The following PCDHGC5 variants were observed in gnomAD, a reference collection of about 807,000 sequenced individuals.
The protein encoded by PCDHGC5 is protocadherin gamma-C5.
PCDHGC5 carries 25 observed loss-of-function variants against 59.0 expected under a neutral mutation model. That is an observed-to-expected ratio of 0.42 (90% CI 0.31 to 0.59). The LOEUF is 0.59. Among genes scored for constraint, PCDHGC5 ranks in the 20% least tolerant of loss-of-function variants. The pLI is 0.13. For synonymous variants in PCDHGC5, 434 were observed against 505.5 expected, an observed-to-expected ratio of 0.86 and a Z score of 1.90; for missense variants, 1,067 against 1,206.4, an observed-to-expected ratio of 0.88 and a Z score of 1.71.
Position 141,489,147 on chromosome 5 carries a change from A to G in PCDHGC5, c.-94A>G. On this transcript the variant is annotated 5_prime_UTR_variant, in exon 1 of 4. Coordinates refer to ENST00000252087, the MANE Select transcript of PCDHGC5 (RefSeq NM_018929.3). The surrounding 1 kb of genome is among the most constrained non-coding windows in gnomAD (Gnocchi z 4.5). ...GCAGTTTTTAAGAGGCTGGAAGGAG[A>G]CATAAGAGACTTCAGCTGCTGCATT... The G allele has an allele frequency of 1.2e-6, 1 of 802,676 alleles. No homozygotes were observed. Among genetic ancestry groups the G allele is most frequent in the Non-Finnish European group, 1.9e-6 (1 of 528,868 alleles). 49.7% of individuals were successfully genotyped at this position (802,676 alleles called of 1,614,324 possible). A position where few individuals can be genotyped will look rare whatever the true frequency, so the allele number is the denominator to read the frequency against.
rs919375073 is a variant in PCDHGC5 at position 141,490,642 on chromosome 5, C to A, written c.1402C>A (p.Pro468Thr). Residue 468 changes from proline (P) to threonine (T), a missense_variant, in exon 1 of 4, where the codon CCT becomes ACT. Coordinates refer to ENST00000252087, the MANE Select transcript of PCDHGC5 (RefSeq NM_018929.3). This position sits in a 1 kb window ranked among gnomAD's most constrained non-coding sequence, Gnocchi z 5.4. ...CACTGCTTACATCCTAGAAAACCGG[C>A]CTCCGGGCTCCCTTCTTTGCACTGT... Reference protein sequence around the residue: ...LYTAYILENRPPGSLLCTVAA... With the variant: ...LYTAYILENRTPGSLLCTVAA... 4.3e-6 allele frequency: 7 copies of A among 1,614,102 alleles called. No individual in the cohort carries two copies. In the African/African-American group the frequency reaches 6.7e-5, roughly 15 times the overall value.
At chr5:141,501,328 CA>C (rs1446948770) in intron 2 of PCDHGC5, among the ~76,000 whole-genome samples, 83 of 151,828 alleles carry the variant, frequency 5.5e-4, no homozygotes, top group Admixed American at 2.2e-3. Context: ...CACACACACA[CA>C]CACACCCCAA....
intron 2 of PCDHGC5, among the ~76,000 whole-genome samples, chr5:141,505,172 A>C (rs1336105711): frequency 6.6e-6 from 1 of 152,178 alleles, no homozygotes; most frequent in Non-Finnish European, 1.5e-5. Context: ...AAACAAAAAG[A>C]AAAAAGCATC....
At chr5:141,501,147 G>A (rs1166199034) in intron 2 of PCDHGC5, among the ~76,000 whole-genome samples, 1 of 152,142 alleles carries the variant, frequency 6.6e-6, no homozygotes, top group Non-Finnish European at 1.5e-5. Context: ...GATTACAGGT[G>A]GGAGCCACCA....
At chr5:141,510,910 A>T (rs780792326) in intron 3 of PCDHGC5, 37 bp from the exon 4 acceptor site, 1 of 1,613,740 alleles carries the variant, frequency 6.2e-7, no homozygotes, top group East Asian at 2.2e-5. Flanking sequence ...GAGGACCCTA[A>T]GTTTAGCTCC....
chr5:141,504,496 G>C (rs2099838771), intron 2 of PCDHGC5, among the ~76,000 whole-genome samples: 1 of 152,100 alleles, frequency 6.6e-6, no homozygotes, highest in Non-Finnish European at 1.5e-5. Flanking sequence ...CACCTGCCCA[G>C]TCTGAGTGGA....
chr5:141,490,088 ACCACAC>A lies in PCDHGC5; in HGVS notation c.849_854del (p.Asp283_Thr285delinsGlu). On this transcript the variant is annotated inframe_deletion, in exon 1 of 4. Transcript: ENST00000252087. The surrounding 1 kb of genome is among the most constrained non-coding windows in gnomAD (Gnocchi z 5.4). The stretch of plus-strand genomic sequence containing the variant: ...GGCCAACTAGACTATTCTTTTGGAG[ACCACAC>A]ATCTGAGGCAGTGCGGAACCTCTTT... The A allele has an allele frequency of 6.2e-7, 1 of 1,614,190 alleles. No homozygotes were observed. Among genetic ancestry groups the A allele is most frequent in the Non-Finnish European group, 8.5e-7 (1 of 1,180,004 alleles).
intron 3 of PCDHGC5, 162 bp downstream of exon 3, chr5:141,505,643 T>C: frequency 1.0e-6 from 1 of 967,852 alleles, no homozygotes. Context: ...AAGCCTGGAA[T>C]TGTGGCTAAG....
In PCDHGC5 at chr5:141,512,494, C is replaced by T. The variant is rs2099884262; in HGVS notation, c.*1321C>T. The T allele has an allele frequency of 6.5e-6, 1 of 152,894 alleles. No individual in the cohort carries two copies. Among genetic ancestry groups the T allele is most frequent in the Admixed American group, 6.5e-5 (1 of 15,282 alleles). The allele number at this position is 152,894 out of a possible 1,614,324, so 9.5% of individuals were successfully genotyped here. Reference sequence around the variant, plus strand: ...CTTCCGTGAAGGCCACTGCCCAGGTCCCCAGTGCGCCCCCTAGTGGCCATA... The same window carrying T: ...CTTCCGTGAAGGCCACTGCCCAGGTTCCCAGTGCGCCCCCTAGTGGCCATA... On this transcript the variant is annotated 3_prime_UTR_variant, in exon 4 of 4. Transcript: ENST00000252087.
At position 141,491,289 on chromosome 5, in the gene PCDHGC5, C is replaced by T. The variant is rs2099710219; in HGVS notation, c.2049C>T (p.His683=). ...EMPKSSDFLI[H]PPERSDLTLY... is the part of the protein sequence containing the mutation. ...CCAAATCCAGTGACTTCCTCATACA[C>T]CCTCCTGAGCGTTCAGACCTTACCC... The change falls in exon 1 of 4, where the codon CAC becomes CAT. Residue 683 remains histidine (H), a synonymous_variant. Transcript: ENST00000252087. The surrounding 1 kb of genome is among the most constrained non-coding windows in gnomAD (Gnocchi z 6.9). 2 of 1,614,112 alleles carry T rather than the reference C, an allele frequency of 1.2e-6. No homozygotes were observed. The highest frequency in any genetic ancestry group is 1.7e-6 in the Non-Finnish European group (2 of 1,179,942).
intron 3 of PCDHGC5, chr5:141,508,128 T>C (rs1490298338): frequency 6.6e-6 from 1 of 151,706 alleles, no homozygotes; most frequent in African/African-American, 2.4e-5. Context: ...CAGAGGGAGG[T>C]CAGGGAGCTG....
rs749528675 is a variant in PCDHGC5, at chr5:141,490,604, A to G, written c.1364A>G (p.Asn455Ser). Residue 455 changes from asparagine to serine, a missense_variant, in exon 1 of 4, where the codon AAC (asparagine) becomes AGC (serine). Coordinates refer to ENST00000252087, the MANE Select transcript of PCDHGC5 (RefSeq NM_018929.3). This position sits in a 1 kb window ranked among gnomAD's most constrained non-coding sequence, Gnocchi z 5.4. ...SDVNDNAPRF[N>S]QQLYTAYILE... ...GTCAATGACAATGCACCCCGCTTCA[A>G]CCAGCAGCTTTACACTGCTTACATC... is the stretch of plus-strand genomic sequence containing the variant. 13 of 1,614,192 alleles carry G rather than the reference A, an allele frequency of 8.1e-6. No homozygotes were observed. Among genetic ancestry groups the G allele is most frequent in the Non-Finnish European group, 1.1e-5 (13 of 1,180,022 alleles).
At chr5:141,510,040 G>A (rs2099879305) in intron 3 of PCDHGC5, among the ~76,000 whole-genome samples, 1 of 152,220 alleles carries the variant, frequency 6.6e-6, no homozygotes, top group Non-Finnish European at 1.5e-5. Flanking sequence ...GTTATGTAGA[G>A]GTTAAAAGTG....
At position 141,511,399 on chromosome 5, in the gene PCDHGC5, A is replaced by C; in HGVS notation, c.*226A>C. 1.0e-6 allele frequency: 1 copy of C among 987,714 alleles called. No homozygotes were observed. The highest frequency in any genetic ancestry group is 1.4e-6 in the Non-Finnish European group (1 of 693,342). The allele number at this position is 987,714 out of a possible 1,614,324, so 61.2% of individuals were successfully genotyped here. ...CAGTTCCGCTGGGAACCCCCATCCA[A>C]TCAACTGCTGTACCCATGGGGGTAG... On this transcript the variant is annotated 3_prime_UTR_variant, in exon 4 of 4. Transcript: ENST00000252087.
At chr5:141,508,823 G>A (rs1445894402) in intron 3 of PCDHGC5, among the ~76,000 whole-genome samples, 1 of 151,966 alleles carries the variant, frequency 6.6e-6, no homozygotes, top group Admixed American at 6.6e-5. Flanking sequence ...GCCAGATCTG[G>A]GCCCCCCTCC....
In PCDHGC5 at chr5:141,511,979, T is replaced by C. The variant is rs1205375941; in HGVS notation, c.*806T>C. ...AGGAAGGGAAGTGTGTGGATGTGGA[T>C]GGTGGGGGCATGGACAAAGCTTGAC... On this transcript the variant is annotated 3_prime_UTR_variant, in exon 4 of 4. Transcript: ENST00000252087. The C allele has an allele frequency of 6.5e-5, 10 of 153,278 alleles. No individual in the cohort carries two copies. The highest frequency in any genetic ancestry group is 1.5e-4 in the Non-Finnish European group (10 of 68,568). The allele number at this position is 153,278 out of a possible 1,614,324, so 9.5% of individuals were successfully genotyped here.
intron 2 of PCDHGC5, among the ~76,000 whole-genome samples, chr5:141,501,528 A>G (rs1173385747): frequency 6.6e-6 from 1 of 151,978 alleles, no homozygotes; most frequent in Non-Finnish European, 1.5e-5. Context: ...GAAGCCCAGT[A>G]CGTTGTTGTG....
intron 3 of PCDHGC5, 46 bp from the exon 4 acceptor site, chr5:141,510,901 A>G: frequency 1.9e-6 from 3 of 1,613,412 alleles, no homozygotes; most frequent in African/African-American, 2.7e-5. Flanking sequence ...GTGACTGTTG[A>G]GGACCCTAAG....
intron 1 of PCDHGC5, chr5:141,492,073 G>C (rs2099736846): frequency 6.2e-6 from 3 of 480,898 alleles, no homozygotes; most frequent in Non-Finnish European, 1.1e-5. Flanking sequence ...CCTAGGCGCC[G>C]GCTCCGGCAC....
Sources: gnomAD v4.1 joint callset for allele counts (sites outside exome capture counted in the v4.1 genomes callset) on GRCh38, gnomAD v4.1.1 for gene constraint, Gnocchi (gnomAD v3.1) non-coding constraint, MANE v1.5 for transcripts, NCBI Gene and HGNC (gene_info 2026-07-23, HGNC 2026-07-21) for gene names.